COL23A1: variants seen among roughly 807,000 people sequenced by gnomAD.
COL23A1 encodes the protein collagen type XXIII alpha 1 chain, also known as collagen alpha-1(XXIII) chain.
In COL23A1, 97 loss-of-function variants were observed where a neutral mutation model predicts 99.3. The observed-to-expected ratio is 0.98, with a 90% CI of 0.83 to 1.16. COL23A1 has a LOEUF of 1.16. Ranked by LOEUF, COL23A1 falls within the 50% of genes most tolerant of loss-of-function variation. The pLI is 0.00. For missense variants in COL23A1, 762 were observed against 757.4 expected, an observed-to-expected ratio of 1.01 and a Z score of -0.07; for synonymous variants, 320 against 308.2, an observed-to-expected ratio of 1.04 and a Z score of -0.40.
chr5:178,252,058 C>A (rs2127539725), intron 17 of COL23A1, among the ~76,000 whole-genome samples: 1 of 152,130 alleles, frequency 6.6e-6, no homozygotes, highest in East Asian at 1.9e-4. Flanking sequence ...GGATTACAGG[C>A]ATGTGCCACC....
At chr5:178,345,900 T>C (rs1760942887) in intron 2 of COL23A1, among the ~76,000 whole-genome samples, 1 of 152,154 alleles carries the variant, frequency 6.6e-6, no homozygotes, top group Non-Finnish European at 1.5e-5. Context: ...GGTCATTCAC[T>C]TGGGTTTAAG....
intron 2 of COL23A1, among the ~76,000 whole-genome samples, chr5:178,511,656 A>G (rs1174432725): frequency 1.3e-5 from 2 of 152,194 alleles, no homozygotes; most frequent in Non-Finnish European, 2.9e-5. Context: ...ACTGGTGACC[A>G]TGGGTCCCCT....
At chr5:178,263,022 C>T (rs1419112369) in intron 9 of COL23A1, among the ~76,000 whole-genome samples, 186 bp downstream of exon 9, 2 of 151,972 alleles carry the variant, frequency 1.3e-5, no homozygotes, top group African/African-American at 2.4e-5. Context: ...GGGTCAGGGT[C>T]AGGATCTGAA....
intron 1 of COL23A1, among the ~76,000 whole-genome samples, chr5:178,564,832 T>A (rs1369349035): frequency 1.3e-5 from 2 of 152,178 alleles, no homozygotes; most frequent in Non-Finnish European, 2.9e-5. Context: ...AAATACAGAT[T>A]GACATAGAAA....
chr5:178,298,330 G>C (rs563856463), intron 3 of COL23A1, among the ~76,000 whole-genome samples: 21 of 152,338 alleles, frequency 1.4e-4, no homozygotes, highest in African/African-American at 4.8e-4. Context: ...GGTAAGCAGA[G>C]GTGCGTGGTG....
intron 2 of COL23A1, among the ~76,000 whole-genome samples, chr5:178,547,480 CACACACA>C (rs1761656843): frequency 1.4e-5 from 2 of 141,568 alleles, no homozygotes; most frequent in African/African-American, 5.3e-5. Context: ...CACACACCCA[CACACACA>C]CCCACACATC....
chr5:178,323,009 T>C (rs986377461), intron 2 of COL23A1, among the ~76,000 whole-genome samples: 1 of 152,116 alleles, frequency 6.6e-6, no homozygotes, highest in East Asian at 1.9e-4. Context: ...GTCTGGAAAC[T>C]TGGCTCTTTC....
At chr5:178,264,366 C>T (rs552480105) in intron 8 of COL23A1, among the ~76,000 whole-genome samples, 2 of 151,644 alleles carry the variant, frequency 1.3e-5, no homozygotes, top group Admixed American at 6.6e-5. Context: ...GATGAAGGGC[C>T]ACATGGTTTC....
chr5:178,335,474 C>G (rs1427875512), intron 2 of COL23A1, among the ~76,000 whole-genome samples: 1 of 152,132 alleles, frequency 6.6e-6, no homozygotes, highest in Non-Finnish European at 1.5e-5. Flanking sequence ...GCTTAGATCA[C>G]ATGACTTCCT....
At chr5:178,251,777 G>A (rs1765041663) in intron 17 of COL23A1, among the ~76,000 whole-genome samples, 1 of 151,934 alleles carries the variant, frequency 6.6e-6, no homozygotes, top group Non-Finnish European at 1.5e-5. Flanking sequence ...CTCCCTTTTG[G>A]AATCTCCAGT....
At chr5:178,297,318 A>T (rs1454557992) in intron 3 of COL23A1, among the ~76,000 whole-genome samples, 3 of 152,244 alleles carry the variant, frequency 2.0e-5, no homozygotes, top group Non-Finnish European at 2.9e-5. Context: ...GTCAGGAGTT[A>T]GAGACCAGCT....
chr5:178,408,974 ATACACACAC>A lies in COL23A1; in HGVS notation c.362-102064_362-102056del, dbSNP rs1398197162. The stretch of plus-strand genomic sequence containing the variant: ...CTGTCTCAAAAAAAAAAAAAAAAAA[ATACACACAC>A]ACACACACACACACACACACACACA... On this transcript the variant is annotated intron_variant, in intron 2 of 28. Coordinates refer to ENST00000390654, the MANE Select transcript of COL23A1 (RefSeq NM_173465.4). Among the ~76,000 whole-genome samples the A allele has an allele frequency of 7.4e-3, 413 of 56,074 alleles. 5 individuals carry two copies. Among genetic ancestry groups the A allele is most frequent in the African/African-American group, 0.029 (361 of 12,626 alleles). 36.8% of individuals were successfully genotyped at this position (56,074 alleles called of 152,430 possible).
chr5:178,288,775 A>T (rs1757297171), intron 4 of COL23A1, among the ~76,000 whole-genome samples: 1 of 144,208 alleles, frequency 6.9e-6, no homozygotes, highest in East Asian at 2.1e-4. Flanking sequence ...CAAGAAAGAG[A>T]GCCTTAGAAG....
chr5:178,561,681 A>G (rs573841564), intron 1 of COL23A1, among the ~76,000 whole-genome samples: 2 of 151,892 alleles, frequency 1.3e-5, no homozygotes, highest in African/African-American at 4.8e-5. Flanking sequence ...TCTCTAGGGG[A>G]AAAAAAAATC....
rs544010417 is a variant in COL23A1, at chr5:178,353,394, C to T, written c.362-46475G>A. Among the ~76,000 whole-genome samples the T allele has an allele frequency of 1.8e-4, 28 of 152,184 alleles. No homozygotes were observed. The South Asian group carries it at 5.8e-3, about 32-fold the overall frequency. On this transcript the variant is annotated intron_variant, in intron 2 of 28. Coordinates refer to ENST00000390654, the MANE Select transcript of COL23A1 (RefSeq NM_173465.4). Reference sequence around the variant, plus strand: ...TTTTCATGATGCAAACACAAAACCCCCCAAAGTAGTTAAAAGTATAAAACT... The same window carrying T: ...TTTTCATGATGCAAACACAAAACCCTCCAAAGTAGTTAAAAGTATAAAACT...
chr5:178,247,742 G>C, intron 21 of COL23A1, 33 bp downstream of exon 21: 1 of 1,608,194 alleles, frequency 6.2e-7, no homozygotes, highest in East Asian at 2.2e-5. Flanking sequence ...TTTCCTGGCT[G>C]CTTCAAACCA....
At chr5:178,511,587 G>A (rs1310477993) in intron 2 of COL23A1, among the ~76,000 whole-genome samples, 3 of 152,192 alleles carry the variant, frequency 2.0e-5, no homozygotes, top group Non-Finnish European at 2.9e-5. Flanking sequence ...CCCAGTTCCC[G>A]GAGTAAGCCC....
intron 1 of COL23A1, among the ~76,000 whole-genome samples, chr5:178,579,907 G>C (rs1386212596): frequency 2.0e-5 from 3 of 152,232 alleles, no homozygotes; most frequent in Non-Finnish European, 4.4e-5. Flanking sequence ...TTAGGAGTGA[G>C]GTTACTGGGT....
At chr5:178,490,709 T>G (rs1230552961) in intron 2 of COL23A1, among the ~76,000 whole-genome samples, 3 of 152,082 alleles carry the variant, frequency 2.0e-5, no homozygotes, top group Non-Finnish European at 4.4e-5. Context: ...CCTGGGAGTT[T>G]GAGACTGCAG....
Sources: gnomAD v4.1 joint callset for allele counts (sites outside exome capture counted in the v4.1 genomes callset) on GRCh38, gnomAD v4.1.1 for gene constraint, MANE v1.5 for transcripts, NCBI Gene and HGNC (gene_info 2026-07-23, HGNC 2026-07-21) for gene names.